Variants in KCNT2 observed in about 807,000 individuals in gnomAD.
The protein encoded by KCNT2 is potassium sodium-activated channel subfamily T member 2.
In KCNT2, 67 loss-of-function variants were observed where a neutral mutation model predicts 153.8. The ratio of observed to expected loss-of-function variants is 0.44; its 90% CI spans 0.36 to 0.53. The LOEUF (loss-of-function observed/expected upper bound fraction) is 0.53. Ranked by LOEUF, KCNT2 falls within the 20% of genes least tolerant of loss-of-function variation. KCNT2 has a pLI of 0.00. For missense variants in KCNT2, 975 were observed against 1,354.8 expected, an observed-to-expected ratio of 0.72 and a Z score of 4.40; for synonymous variants, 500 against 458.8, an observed-to-expected ratio of 1.09 and a Z score of -1.15.
At chr1:196,382,777 G>C (rs6658286) in intron 13 of KCNT2, among the ~76,000 whole-genome samples, 8,074 of 152,096 alleles carry the variant, frequency 0.053, 383 homozygotes, top group African/African-American at 0.13. Flanking sequence ...ATTTGAAATA[G>C]TAATTACAAG....
chr1:196,276,614 T>C (rs1412011382), intron 25 of KCNT2, among the ~76,000 whole-genome samples: 6 of 152,160 alleles, frequency 3.9e-5, no homozygotes, highest in Admixed American at 6.6e-5. Context: ...TCATTATTTC[T>C]CCTTCATTTT....
chr1:196,377,056 T>C lies in KCNT2; in HGVS notation c.1295-3808A>G, dbSNP rs147360191. 7.2e-5 allele frequency among the ~76,000 whole-genome samples: 11 copies of C among 152,000 alleles called. No individual in the cohort carries two copies. The East Asian group carries it at 1.5e-3, about 21-fold the overall frequency. On this transcript the variant is annotated intron_variant, in intron 13 of 27. Coordinates refer to ENST00000294725, the MANE Select transcript of KCNT2 (RefSeq NM_198503.5). ...GGGAGTGAACTACAAAGATAGGAAG[T>C]GGTGGTCAGAGAAGGACACACTAGG...
intron 12 of KCNT2, among the ~76,000 whole-genome samples, chr1:196,411,551 G>A (rs935183804): frequency 6.9e-6 from 1 of 144,656 alleles, no homozygotes; most frequent in African/African-American, 2.5e-5. Flanking sequence ...TCAATTTCTT[G>A]TAACAATGTT....
At chr1:196,329,950 C>CACATATATATAT (rs1316608192) in intron 18 of KCNT2, among the ~76,000 whole-genome samples, 3 of 73,542 alleles carry the variant, frequency 4.1e-5, no homozygotes, top group African/African-American at 2.0e-4. Flanking sequence ...TTCCTCAAGA[C>CACATATATATAT]ATATATATAT....
At chr1:196,596,965 G>T (rs1191911776) in intron 1 of KCNT2, among the ~76,000 whole-genome samples, 2 of 152,148 alleles carry the variant, frequency 1.3e-5, no homozygotes, top group Admixed American at 6.5e-5. Context: ...TTCCCAGAGT[G>T]CTGGGATTAT....
chr1:196,574,586 A>T (rs989595887), intron 1 of KCNT2, among the ~76,000 whole-genome samples: 2 of 151,908 alleles, frequency 1.3e-5, no homozygotes, highest in Non-Finnish European at 2.9e-5. Context: ...AAATATTCCA[A>T]ATTTCGAATT....
intron 18 of KCNT2, 69 bp downstream of exon 18, chr1:196,331,087 C>T: frequency 1.2e-6 from 1 of 848,828 alleles, no homozygotes; most frequent in Non-Finnish European, 2.0e-6. Context: ...GTACAAATTA[C>T]TTAAATTATG....
At chr1:196,271,545 T>A (rs1037193903) in intron 25 of KCNT2, among the ~76,000 whole-genome samples, 1 of 151,962 alleles carries the variant, frequency 6.6e-6, no homozygotes, top group African/African-American at 2.4e-5. Context: ...TAAGTTAAAG[T>A]AGGTAAATAA....
At chr1:196,426,105 G>A in intron 10 of KCNT2, 117 bp from the exon 11 acceptor site, 1 of 758,828 alleles carries the variant, frequency 1.3e-6, no homozygotes, top group Admixed American at 2.9e-5. Context: ...ATGAACTTTT[G>A]CTAATAAAAT....
intron 13 of KCNT2, among the ~76,000 whole-genome samples, chr1:196,397,777 T>C (rs1671072158): frequency 6.6e-6 from 1 of 151,530 alleles, no homozygotes; most frequent in Non-Finnish European, 1.5e-5. Flanking sequence ...AAACACATTT[T>C]CTGAAGGAAA....
chr1:196,525,320 C>G (rs1264633617), intron 1 of KCNT2, among the ~76,000 whole-genome samples: 3 of 152,030 alleles, frequency 2.0e-5, no homozygotes, highest in Non-Finnish European at 2.9e-5. Flanking sequence ...ATACTGTAAA[C>G]AAGTGTCTTT....
intron 26 of KCNT2, among the ~76,000 whole-genome samples, chr1:196,254,754 A>C (rs1656311289): frequency 6.6e-6 from 1 of 151,574 alleles, no homozygotes. Context: ...CTTTTGCATA[A>C]GAAAGACAAT....
chr1:196,559,414 T>C (rs980745700), intron 1 of KCNT2, among the ~76,000 whole-genome samples: 1 of 151,716 alleles, frequency 6.6e-6, no homozygotes, highest in Non-Finnish European at 1.5e-5. Context: ...TTCGATTGTT[T>C]CCAGTTTTAT....
intron 13 of KCNT2, among the ~76,000 whole-genome samples, chr1:196,392,510 A>G (rs1670580122): frequency 6.6e-6 from 1 of 151,506 alleles, no homozygotes; most frequent in Non-Finnish European, 1.5e-5. Context: ...ATGGGAAATG[A>G]AGAAATCATT....
chr1:196,254,073 A>G (rs1656242390), intron 26 of KCNT2, among the ~76,000 whole-genome samples: 1 of 151,508 alleles, frequency 6.6e-6, no homozygotes, highest in Admixed American at 6.6e-5. Context: ...TTAAGGAGAT[A>G]GGAACAATTT....
In KCNT2 at chr1:196,423,002, T is replaced by G. The variant is rs747757315; in HGVS notation, c.1185+48A>C. 14 of 1,249,094 alleles carry G rather than the reference T, an allele frequency of 1.1e-5. No homozygotes were observed. In the Admixed American group the frequency reaches 3.2e-4, roughly 29 times the overall value. The allele number at this position is 1,249,094 out of a possible 1,614,324, so 77.4% of individuals were successfully genotyped here. ...TTAAAAACTCAAATTAAAAAAAATC[T>G]TCTAAAATGGAAAGCACAACTTACT... On this transcript the variant is annotated intron_variant, in intron 12 of 27. Transcript: ENST00000294725.
chr1:196,242,304 T>G (rs1192423741), intron 26 of KCNT2, among the ~76,000 whole-genome samples: 1 of 152,064 alleles, frequency 6.6e-6, no homozygotes, highest in Non-Finnish European at 1.5e-5. Flanking sequence ...AATTTAGTGA[T>G]GAATCTAATT....
At chr1:196,506,395 T>A (rs1423080072) in intron 1 of KCNT2, among the ~76,000 whole-genome samples, 1 of 152,194 alleles carries the variant, frequency 6.6e-6, no homozygotes, top group African/African-American at 2.4e-5. Flanking sequence ...GTTCATCTAT[T>A]TCAATTTGAT....
intron 17 of KCNT2, among the ~76,000 whole-genome samples, chr1:196,331,984 C>T (rs1664512499): frequency 6.6e-6 from 1 of 152,030 alleles, no homozygotes; most frequent in African/African-American, 2.4e-5. Flanking sequence ...AATGAAACTT[C>T]TAAAACGTAG....
Sources: allele counts gnomAD v4.1 joint callset (sites outside exome capture counted in the v4.1 genomes callset), GRCh38; gene constraint gnomAD v4.1.1; transcripts MANE v1.5; gene names NCBI Gene and HGNC (gene_info 2026-07-23, HGNC 2026-07-21).